The following WNT2B variants were observed in gnomAD, a reference collection of about 807,000 sequenced individuals.
WNT2B encodes Wnt family member 2B, also known as protein Wnt-2b.
In WNT2B, 19 loss-of-function variants were observed where a neutral mutation model predicts 40.5. The ratio of observed to expected loss-of-function variants is 0.47; its 90% CI spans 0.33 to 0.69. The LOEUF (loss-of-function observed/expected upper bound fraction) is 0.69, where lower values mean the gene tolerates loss of function less well. Ranked by LOEUF, WNT2B falls within the 30% of genes least tolerant of loss-of-function variation. The probability of loss-of-function intolerance (pLI) is 0.02; values close to 1 mark genes in which losing one functional copy is unlikely to be tolerated. For missense variants in WNT2B, 467 were observed against 556.4 expected (o/e 0.84, Z 1.62); for synonymous variants, 220 against 211.9 (o/e 1.04, Z -0.33).
At chr1:112,519,624 C>T (rs1358363571) in intron 4 of WNT2B, among the ~76,000 whole-genome samples, 1 of 152,044 alleles carries the variant, frequency 6.6e-6, no homozygotes, top group African/African-American at 2.4e-5. Flanking sequence ...AGGGATAATG[C>T]TTAGGGATAA....
intron 1 of WNT2B, among the ~76,000 whole-genome samples, chr1:112,486,500 AT>A (rs1384836765): frequency 7.2e-5 from 11 of 152,196 alleles, no homozygotes; most frequent in African/African-American, 2.7e-4. Context: ...GAACCAATTG[AT>A]AAATTGGACT....
Position 112,509,461 on chromosome 1 carries a change from G to T in WNT2B, c.182+17G>T, listed in dbSNP as rs1652265189. The T allele has an allele frequency of 6.4e-7, 1 of 1,556,736 alleles. No individual in the cohort carries two copies. The highest frequency in any genetic ancestry group is 8.6e-7 in the Non-Finnish European group (1 of 1,164,248). ...GTCCTGGTGGTAAGTGTGGCTCTCA[G>T]GCTGGGCGGGTGAGGCGCTTGGTAG... On this transcript the variant is annotated intron_variant, in intron 1 of 4. Transcript: ENST00000369684. This position sits in a 1 kb window ranked among gnomAD's most constrained non-coding sequence, Gnocchi z 4.2.
upstream of WNT2B, among the ~76,000 whole-genome samples, chr1:112,505,723 T>C (rs1423095934): frequency 6.6e-6 from 1 of 152,194 alleles, no homozygotes; most frequent in East Asian, 1.9e-4. Context: ...GCTCCATATT[T>C]GTTCTCTAGT....
rs201126078 is a variant in WNT2B, at chr1:112,523,998, TAAAAAAA to T, written c.*3494_*3500del. On this transcript the variant is annotated 3_prime_UTR_variant, in exon 5 of 5. Coordinates refer to ENST00000369684, the MANE Select transcript of WNT2B (RefSeq NM_024494.3). ...AAAAATAAAATCAGGGGCTTCAGAT[TAAAAAAA>T]AAAACAAAAAACAAAAAACAAAAAC... 7.0e-6 allele frequency: 1 copy of T among 143,576 alleles called. No individual in the cohort carries two copies. The highest frequency in any genetic ancestry group is 2.2e-4 in the South Asian group (1 of 4,508). The allele number at this position is 143,576 out of a possible 1,614,324, so 8.9% of individuals were successfully genotyped here. A position where few individuals can be genotyped will look rare whatever the true frequency, so the allele number is the denominator to read the frequency against.
intron 1 of WNT2B, among the ~76,000 whole-genome samples, chr1:112,477,678 T>G (rs1651093409): frequency 6.6e-6 from 1 of 152,034 alleles, no homozygotes; most frequent in Non-Finnish European, 1.5e-5. Context: ...AAGAAAGAGA[T>G]AGAAATCATT....
At chr1:112,512,305 G>A (rs992627557) in intron 1 of WNT2B, among the ~76,000 whole-genome samples, 1 of 152,174 alleles carries the variant, frequency 6.6e-6, no homozygotes, top group African/African-American at 2.4e-5. Context: ...CAGTACTGGG[G>A]ATATTGAATT....
At chr1:112,470,875 G>T in intron 1 of WNT2B, among the ~76,000 whole-genome samples, 1 of 131,678 alleles carries the variant, frequency 7.6e-6, no homozygotes, top group East Asian at 2.9e-4. Context: ...ACTGCTGGGG[G>T]CAAGGTCGCT....
chr1:112,522,478 A>G lies in WNT2B; in HGVS notation c.*1969A>G, dbSNP rs1040779129. 1.3e-5 allele frequency: 2 copies of G among 152,214 alleles called. No homozygotes were observed. The highest frequency in any genetic ancestry group is 2.9e-5 in the Non-Finnish European group (2 of 68,048). The allele number at this position is 152,214 out of a possible 1,614,324, so 9.4% of individuals were successfully genotyped here. A position where few individuals can be genotyped will look rare whatever the true frequency, so the allele number is the denominator to read the frequency against. ...ATTAACAAAAGTCTGTAGATTAAGGAGCCTGCATAAAGAATTCTGGATACA... is the reference window on the plus strand; with the variant it reads ...ATTAACAAAAGTCTGTAGATTAAGGGGCCTGCATAAAGAATTCTGGATACA... On this transcript the variant is annotated 3_prime_UTR_variant, in exon 5 of 5. Transcript: ENST00000369684.
intron 1 of WNT2B, among the ~76,000 whole-genome samples, chr1:112,484,041 A>G (rs1032600545): frequency 3.4e-5 from 5 of 149,196 alleles, no homozygotes; most frequent in African/African-American, 1.2e-4. Context: ...TGGGAGGATC[A>G]CTTGAGCCCT....
rs1652831354 is a variant in WNT2B at position 112,520,814 on chromosome 1, C to T, written c.*305C>T. The T allele has an allele frequency of 8.2e-6, 3 of 364,688 alleles. No individual in the cohort carries two copies. Among genetic ancestry groups the T allele is most frequent in the Non-Finnish European group, 1.5e-5 (3 of 201,328 alleles). The allele number at this position is 364,688 out of a possible 1,614,324, so 22.6% of individuals were successfully genotyped here. ...GTTGCACTAAAGTACGTAGTTGAGGCTCCTTTTTTCTTTCCTTTGCACCAG... is the reference window on the plus strand; with the variant it reads ...GTTGCACTAAAGTACGTAGTTGAGGTTCCTTTTTTCTTTCCTTTGCACCAG... On this transcript the variant is annotated 3_prime_UTR_variant, in exon 5 of 5. Transcript: ENST00000369684.
chr1:112,516,539 C>T (rs1287558864), intron 3 of WNT2B, 122 bp downstream of exon 3: 11 of 1,331,854 alleles, frequency 8.3e-6, no homozygotes, highest in African/African-American at 1.5e-5. Flanking sequence ...TTCCAAAAGC[C>T]CCAACATCCT....
In WNT2B at chr1:112,526,340, C is replaced by G; in HGVS notation, c.*5831C>G. The G allele has an allele frequency of 2.2e-6, 1 of 453,138 alleles. No individual in the cohort carries two copies. The highest frequency in any genetic ancestry group is 5.4e-5 in the South Asian group (1 of 18,408). 28.1% of individuals were successfully genotyped at this position (453,138 alleles called of 1,614,324 possible). The stretch of plus-strand genomic sequence containing the variant: ...TGGCTCCTAATTCTACTCCTTTTTT[C>G]CCCTTCAGATTAACATTAAAAATTT... On this transcript the variant is annotated 3_prime_UTR_variant, in exon 5 of 5. Coordinates refer to ENST00000369684, the MANE Select transcript of WNT2B (RefSeq NM_024494.3).
chr1:112,517,756 C>A, intron 4 of WNT2B: 1 of 182,654 alleles, frequency 5.5e-6, no homozygotes, highest in Non-Finnish European at 1.1e-5. Context: ...TCTTCGCAAT[C>A]TACTTAAAGA....
At chr1:112,473,746 A>G (rs1399441184) in intron 1 of WNT2B, among the ~76,000 whole-genome samples, 1 of 152,070 alleles carries the variant, frequency 6.6e-6, no homozygotes, top group Non-Finnish European at 1.5e-5. Flanking sequence ...AGAAACATGA[A>G]GGAAACTGCA....
intron 1 of WNT2B, among the ~76,000 whole-genome samples, chr1:112,472,191 A>G (rs1650901480): frequency 1.3e-5 from 2 of 152,228 alleles, no homozygotes; most frequent in Non-Finnish European, 2.9e-5. Flanking sequence ...GCATGGCCTC[A>G]TGATCTCCTT....
intron 1 of WNT2B, among the ~76,000 whole-genome samples, chr1:112,479,200 G>T (rs1469070850): frequency 6.6e-6 from 1 of 151,954 alleles, no homozygotes; most frequent in Non-Finnish European, 1.5e-5. Flanking sequence ...CAGCCTGGGT[G>T]ACAAGAGTGA....
chr1:112,517,941 G>A (rs1310072445), intron 4 of WNT2B: 1 of 155,076 alleles, frequency 6.4e-6, no homozygotes, highest in African/African-American at 2.4e-5. Context: ...TAGTAGGTGG[G>A]AAAGCACATG....
chr1:112,509,337 G>C lies in WNT2B; in HGVS notation c.75G>C (p.Pro25=). 6.3e-7 allele frequency: 1 copy of C among 1,589,474 alleles called. No individual in the cohort carries two copies. Among genetic ancestry groups the C allele is most frequent in the African/African-American group, 1.4e-5 (1 of 73,288 alleles). ...LRRASAPVPV[P]SPAAPDGSRA... is the part of the protein sequence containing the mutation. ...GCGCCAGCGCCCCGGTCCCTGTGCC[G>C]TCGCCCGCGGCCCCCGACGGCTCCC... Residue 25 remains proline, a synonymous_variant, in exon 1 of 5, where the codon CCG becomes CCC. Transcript: ENST00000369684. The surrounding 1 kb of genome is among the most constrained non-coding windows in gnomAD (Gnocchi z 4.2).
At chr1:112,490,916 C>A in intron 1 of WNT2B, 2 of 1,296,600 alleles carry the variant, frequency 1.5e-6, no homozygotes, top group Non-Finnish European at 2.2e-6. Context: ...CCCAATAGCT[C>A]TACCCTAAAT....
Sources: allele counts gnomAD v4.1 joint callset (sites outside exome capture counted in the v4.1 genomes callset), GRCh38; gene constraint gnomAD v4.1.1; non-coding constraint Gnocchi (gnomAD v3.1); transcripts MANE v1.5; gene names NCBI Gene and HGNC (gene_info 2026-07-23, HGNC 2026-07-21).